Variants in LRRIQ3 observed in about 807,000 individuals in gnomAD.
The protein encoded by LRRIQ3 is leucine rich repeats and IQ motif containing 3.
Under a neutral mutation model 59.3 loss-of-function variants are expected in LRRIQ3, and 75 were observed. The ratio of observed to expected loss-of-function variants is 1.26; its 90% CI spans 1.05 to 1.53. The LOEUF is 1.53. Among genes scored for constraint, LRRIQ3 ranks in the 40% most tolerant of loss-of-function variants. The pLI is 0.00. For missense variants in LRRIQ3, 831 were observed against 710.0 expected (o/e 1.17, Z -1.94); for synonymous variants, 250 against 231.3 (o/e 1.08, Z -0.73).
intron 4 of LRRIQ3, among the ~76,000 whole-genome samples, chr1:74,143,902 G>A (rs1647389284): frequency 6.6e-6 from 1 of 151,498 alleles, no homozygotes; most frequent in Non-Finnish European, 1.5e-5. Context: ...AATCTTTAAG[G>A]TGAGTAATTT....
At chr1:74,097,629 G>A (rs1023764376) in intron 5 of LRRIQ3, among the ~76,000 whole-genome samples, 3 of 152,134 alleles carry the variant, frequency 2.0e-5, no homozygotes, top group African/African-American at 7.2e-5. Flanking sequence ...TGAAATGAAG[G>A]AAAAAATGTT....
chr1:74,151,597 G>C (rs6680375), intron 4 of LRRIQ3, among the ~76,000 whole-genome samples: 2 of 151,066 alleles, frequency 1.3e-5, no homozygotes, highest in African/African-American at 2.4e-5. Flanking sequence ...AATCCGGGGT[G>C]GGGGGGATGG....
chr1:74,195,063 T>A (rs1320409057), intron 1 of LRRIQ3, among the ~76,000 whole-genome samples: 1 of 152,050 alleles, frequency 6.6e-6, no homozygotes, highest in Non-Finnish European at 1.5e-5. Context: ...GGTGGGAGAA[T>A]GTTTCTCTGC....
In LRRIQ3 at chr1:74,109,440, A is replaced by T; in HGVS notation, c.821T>A (p.Phe274Tyr). The T allele has an allele frequency of 1.3e-6, 2 of 1,568,974 alleles. No homozygotes were observed. Among genetic ancestry groups the T allele is most frequent in the African/African-American group, 2.7e-5 (2 of 73,168 alleles). ...YEDKLLKDLF[F>Y]KPETNIKGKL... ...TCCTTTTATATTAGTTTCAGGTTTG[A>T]AAAAGAGATCCTTAAGGAGCTTATC... The change falls in exon 5 of 8, where the codon TTC becomes TAC. Residue 274 changes from phenylalanine to tyrosine, a missense_variant. Physicochemically the swap from Phe to Tyr is conservative, Grantham distance 22. Transcript: ENST00000354431.
At chr1:74,045,587 C>T (rs1165025884) in intron 6 of LRRIQ3, among the ~76,000 whole-genome samples, 2 of 152,088 alleles carry the variant, frequency 1.3e-5, no homozygotes, top group South Asian at 2.1e-4. Context: ...TCCTATTCAA[C>T]ATAGTATTGG....
In LRRIQ3 at chr1:74,133,952, G is replaced by C. The variant is rs185584268; in HGVS notation, c.707+21781C>G. On this transcript the variant is annotated intron_variant, in intron 4 of 7. Transcript: ENST00000354431. Reference sequence around the variant, plus strand: ...AGCTGTATTTTGTCTTATATGAAATGACACTCAATGCTTTTTTTAACTTTA... The same window carrying C: ...AGCTGTATTTTGTCTTATATGAAATCACACTCAATGCTTTTTTTAACTTTA... Among the ~76,000 whole-genome samples the C allele has an allele frequency of 4.6e-5, 7 of 151,930 alleles. No homozygotes were observed. The East Asian group carries it at 9.8e-4, about 21-fold the overall frequency.
At position 74,026,219 on chromosome 1, in the gene LRRIQ3, C is replaced by A. The variant is rs1557582202; in HGVS notation, c.*594G>T. 1 of 151,976 alleles carries A rather than the reference C, an allele frequency of 6.6e-6. No homozygotes were observed. The highest frequency in any genetic ancestry group is 1.9e-4 in the East Asian group (1 of 5,184). 9.4% of individuals were successfully genotyped at this position (151,976 alleles called of 1,614,324 possible). ...GGCAAACCCATCAAAAGTAAATATACAAAAATCTTACAGTCTTCAAGGAAG... is the reference window on the plus strand; with the variant it reads ...GGCAAACCCATCAAAAGTAAATATAAAAAAATCTTACAGTCTTCAAGGAAG... On this transcript the variant is annotated 3_prime_UTR_variant, in exon 8 of 8. Coordinates refer to ENST00000354431, the MANE Select transcript of LRRIQ3 (RefSeq NM_001105659.2).
At chr1:74,171,676 C>A (rs541144113) in intron 3 of LRRIQ3, among the ~76,000 whole-genome samples, 1 of 152,022 alleles carries the variant, frequency 6.6e-6, no homozygotes, top group African/African-American at 2.4e-5. Context: ...TAGAAGTGTT[C>A]GCTCTTCTTT....
chr1:74,119,012 C>T (rs1279171500), intron 4 of LRRIQ3, among the ~76,000 whole-genome samples: 2 of 152,054 alleles, frequency 1.3e-5, no homozygotes, highest in African/African-American at 2.4e-5. Context: ...AAAATTCTAC[C>T]GTTATAACAA....
rs574735037 is a variant in LRRIQ3 at position 74,132,287 on chromosome 1, G to T, written c.708-22734C>A. ...TAGGATGAATCAATATTGTGAAAAT[G>T]GCCATATTGCCCAAGGTAATTTATA... On this transcript the variant is annotated intron_variant, in intron 4 of 7. Coordinates refer to ENST00000354431, the MANE Select transcript of LRRIQ3 (RefSeq NM_001105659.2). Among the ~76,000 whole-genome samples, 50 of 152,226 alleles carry T rather than the reference G, an allele frequency of 3.3e-4. 1 individual carries two copies. The South Asian group carries it at 6.0e-3, about 18-fold the overall frequency.
intron 1 of LRRIQ3, among the ~76,000 whole-genome samples, chr1:74,184,369 TTA>T (rs1304566438): frequency 6.6e-6 from 1 of 152,144 alleles, no homozygotes; most frequent in African/African-American, 2.4e-5. Flanking sequence ...GAATTTTCAC[TTA>T]TTAAGAGTAA....
chr1:74,074,695 C>A lies in LRRIQ3; in HGVS notation c.963G>T (p.Met321Ile). 1 of 1,428,724 alleles carries A rather than the reference C, an allele frequency of 7.0e-7. No individual in the cohort carries two copies. The highest frequency in any genetic ancestry group is 9.3e-7 in the Non-Finnish European group (1 of 1,069,868). The allele number at this position is 1,428,724 out of a possible 1,614,324, so 88.5% of individuals were successfully genotyped here. Residue 321 changes from methionine to isoleucine, a missense_variant, in exon 6 of 8, where the codon ATG (methionine) becomes ATT (isoleucine). Met to Ile is a conservative substitution (Grantham distance 10, BLOSUM62 1). Transcript: ENST00000354431. Reference sequence around the variant, plus strand: ...TGAGATGTCTTGATGTTTTTGATTTCATGCCTAGATCTTTTGGTTTTAATT... The same window carrying A: ...TGAGATGTCTTGATGTTTTTGATTTAATGCCTAGATCTTTTGGTTTTAATT... ...LCELKPKDLG[M>I]KSKTSRHLIQ...
At chr1:74,102,561 G>C (rs1339236136) in intron 5 of LRRIQ3, among the ~76,000 whole-genome samples, 1 of 151,984 alleles carries the variant, frequency 6.6e-6, no homozygotes, top group African/African-American at 2.4e-5. Flanking sequence ...AAGCAGGATG[G>C]AGGTTCTTCA....
intron 4 of LRRIQ3, among the ~76,000 whole-genome samples, chr1:74,132,065 C>T (rs563038376): frequency 3.3e-5 from 5 of 152,242 alleles, no homozygotes; most frequent in South Asian, 2.1e-4. Context: ...ATATCACAAA[C>T]GTTCTTATGC....
At chr1:74,163,534 T>C (rs1343814407) in intron 3 of LRRIQ3, among the ~76,000 whole-genome samples, 2 of 151,714 alleles carry the variant, frequency 1.3e-5, no homozygotes, top group African/African-American at 2.4e-5. Flanking sequence ...AATAATTTTA[T>C]ATAAGTAGCA....
intron 3 of LRRIQ3, among the ~76,000 whole-genome samples, chr1:74,166,080 T>C (rs1243617858): frequency 6.6e-6 from 1 of 151,752 alleles, no homozygotes; most frequent in Non-Finnish European, 1.5e-5. Context: ...ATAATATAAA[T>C]TAGGAGGTGT....
At position 74,185,108 on chromosome 1, in the gene LRRIQ3, C is replaced by T. The variant is rs558216134; in HGVS notation, c.1-1424G>A. ...CTTTACACAATTATGAATAAAAGTG[C>T]TATAAAAATTTATGTGCAGGTTTTT... On this transcript the variant is annotated intron_variant, in intron 1 of 7. Transcript: ENST00000354431. Among the ~76,000 whole-genome samples, 26 of 152,270 alleles carry T rather than the reference C, an allele frequency of 1.7e-4. 1 individual carries two copies. The highest frequency in any genetic ancestry group is 6.8e-3 in the Middle Eastern group (2 of 294).
chr1:74,186,464 A>C (rs1159970886), intron 1 of LRRIQ3, among the ~76,000 whole-genome samples: 1 of 152,186 alleles, frequency 6.6e-6, no homozygotes, highest in Non-Finnish European at 1.5e-5. Context: ...TATTAGATGA[A>C]TAACCTTGTT....
intron 6 of LRRIQ3, among the ~76,000 whole-genome samples, chr1:74,065,038 C>T (rs1255497190): frequency 6.6e-6 from 1 of 151,912 alleles, no homozygotes; most frequent in Non-Finnish European, 1.5e-5. Context: ...TTTTCTTCAC[C>T]TAGTTCTCCC....
Sources: gnomAD v4.1 joint callset for allele counts (sites outside exome capture counted in the v4.1 genomes callset) on GRCh38, gnomAD v4.1.1 for gene constraint, MANE v1.5 for transcripts, NCBI Gene and HGNC (gene_info 2026-07-23, HGNC 2026-07-21) for gene names.